Variants in UTRN observed in about 807,000 individuals in gnomAD.
UTRN encodes utrophin.
A neutral mutation model predicts 463.9 loss-of-function variants in UTRN; 283 were observed. The observed-to-expected ratio is 0.61, with a 90% CI of 0.55 to 0.67. The LOEUF is 0.67. UTRN is among the 30% of genes least tolerant of loss of function. The probability of loss-of-function intolerance (pLI) is 0.00; values close to 1 mark genes in which losing one functional copy is unlikely to be tolerated. For synonymous variants in UTRN, 1,442 were observed against 1,431.5 expected, an observed-to-expected ratio of 1.01 and a Z score of -0.17; for missense variants, 3,922 against 4,084.3, an observed-to-expected ratio of 0.96 and a Z score of 1.08.
chr6:144,292,178 A>G (rs1195929487), intron 2 of UTRN, among the ~76,000 whole-genome samples: 1 of 152,210 alleles, frequency 6.6e-6, no homozygotes, highest in African/African-American at 2.4e-5. Flanking sequence ...TACTCCATTA[A>G]AATAAAATAC....
At chr6:144,805,916 C>T (rs1778108472) in intron 65 of UTRN, among the ~76,000 whole-genome samples, 1 of 151,978 alleles carries the variant, frequency 6.6e-6, no homozygotes, top group Non-Finnish European at 1.5e-5. Flanking sequence ...AAAAGAAAGG[C>T]AACTATCAGA....
intron 53 of UTRN, among the ~76,000 whole-genome samples, chr6:144,704,877 G>T (rs757863305): frequency 2.6e-5 from 4 of 152,086 alleles, no homozygotes; most frequent in African/African-American, 7.2e-5. Flanking sequence ...CAGGAGAATT[G>T]CTGGAACCCA....
At chr6:144,799,282 T>C (rs1293159238) in intron 64 of UTRN, 1 of 344,940 alleles carries the variant, frequency 2.9e-6, no homozygotes, top group African/African-American at 2.2e-5. Context: ...AGTTCTCTTC[T>C]CTCATGCATT....
chr6:144,548,771 G>T lies in UTRN; in HGVS notation c.6727G>T (p.Val2243Leu). The T allele has an allele frequency of 6.2e-7, 1 of 1,614,026 alleles. No individual in the cohort carries two copies. Among genetic ancestry groups the T allele is most frequent in the Non-Finnish European group, 8.5e-7 (1 of 1,179,968 alleles). ...TATAACAGAACTAGCCGACTGGCTG[G>T]TATTAATCGACCAGATGCTGAAGTC... ...KTITELADWL[V>L]LIDQMLKSNI... The change falls in exon 47 of 75, where the codon GTA becomes TTA. Residue 2243 changes from valine to leucine, a missense_variant. Transcript: ENST00000367545.
chr6:144,421,186 T>C (rs571230517), intron 3 of UTRN, among the ~76,000 whole-genome samples: 150 of 152,276 alleles, frequency 9.9e-4, no homozygotes, highest in African/African-American at 3.4e-3. Context: ...TTTGTATTTT[T>C]ACTAGAGATG....
At chr6:144,464,029 A>C (rs977914187) in intron 23 of UTRN, among the ~76,000 whole-genome samples, 2 of 151,916 alleles carry the variant, frequency 1.3e-5, no homozygotes, top group Non-Finnish European at 2.9e-5. Context: ...ACATCTAAAT[A>C]TTATATCTAC....
intron 14 of UTRN, among the ~76,000 whole-genome samples, chr6:144,445,835 A>G (rs906369220): frequency 1.3e-5 from 2 of 152,018 alleles, no homozygotes; most frequent in Non-Finnish European, 1.5e-5. Context: ...ACTTGAGGTC[A>G]GACCAACATG....
Position 144,378,642 on chromosome 6 carries a change from T to C in UTRN, c.80-24481T>C, listed in dbSNP as rs1445211259. On this transcript the variant is annotated intron_variant, in intron 2 of 74. Transcript: ENST00000367545. ...TGTCAGAGTAACATGAAGGTCAGTG[T>C]GCTGGAGCAAACTGAGGAGGGTGAG... 2.0e-5 allele frequency among the ~76,000 whole-genome samples: 3 copies of C among 152,298 alleles called. No individual in the cohort carries two copies. In the East Asian group the frequency reaches 5.8e-4, roughly 29 times the overall value.
rs200877832 is a variant in UTRN at position 144,526,746 on chromosome 6, GTT to G, written c.5906+3572_5906+3573del. ...TGATATTTGTTGCCTCAATACCTTG[GTT>G]TTTTTTTTTTTTTCATTTTGTTATT... On this transcript the variant is annotated intron_variant, in intron 41 of 74. Coordinates refer to ENST00000367545, the MANE Select transcript of UTRN (RefSeq NM_007124.3). 5.0e-4 allele frequency among the ~76,000 whole-genome samples: 66 copies of G among 130,948 alleles called. No individual in the cohort carries two copies. The East Asian group carries it at 9.4e-3, about 19-fold the overall frequency. The allele number at this position is 130,948 out of a possible 152,430, so 85.9% of individuals were successfully genotyped here.
intron 50 of UTRN, 68 bp from the exon 51 acceptor site, chr6:144,577,031 G>T: frequency 6.7e-7 from 1 of 1,487,278 alleles, no homozygotes; most frequent in Non-Finnish European, 9.2e-7. Context: ...TTTATTTAGG[G>T]GATGCGTGAT....
Position 144,557,297 on chromosome 6 carries a change from C to T in UTRN, c.7275C>T (p.Ile2425=). The T allele has an allele frequency of 6.2e-7, 1 of 1,612,910 alleles. No homozygotes were observed. Among genetic ancestry groups the T allele is most frequent in the Middle Eastern group, 1.7e-4 (1 of 6,048 alleles). Residue 2425 remains isoleucine, a synonymous_variant, in exon 50 of 75, where the codon ATC becomes ATT. Transcript: ENST00000367545. ...CAGAGTACTTAAAAACATCATGGAT[C>T]AATCTCAAACAAAGGTAAGTCTAAG... The part of the protein sequence containing the change: ...ETTEYLKTSW[I]NLKQSIADRQ...
At chr6:144,411,633 A>G (rs1000742929) in intron 3 of UTRN, among the ~76,000 whole-genome samples, 3 of 152,140 alleles carry the variant, frequency 2.0e-5, no homozygotes, top group Non-Finnish European at 4.4e-5. Context: ...TTGGTTTGGC[A>G]TGTGTTTTAC....
intron 9 of UTRN, among the ~76,000 whole-genome samples, chr6:144,434,536 G>T (rs1409211038): frequency 6.6e-6 from 1 of 152,148 alleles, no homozygotes; most frequent in Non-Finnish European, 1.5e-5. Context: ...AGAAAGTAAA[G>T]GTTTTGAATA....
chr6:144,590,133 A>G (rs1802877109), intron 51 of UTRN, among the ~76,000 whole-genome samples: 1 of 152,148 alleles, frequency 6.6e-6, no homozygotes, highest in African/African-American at 2.4e-5. Context: ...AGTTCCTGAC[A>G]GTTTTGAGCA....
At chr6:144,763,051 C>T (rs1348927013) in intron 58 of UTRN, among the ~76,000 whole-genome samples, 1 of 152,144 alleles carries the variant, frequency 6.6e-6, no homozygotes, top group African/African-American at 2.4e-5. Flanking sequence ...CCACTGGAGT[C>T]TGCAGTGCAG....
chr6:144,414,712 A>T (rs1784219231), intron 3 of UTRN, among the ~76,000 whole-genome samples: 1 of 92,116 alleles, frequency 1.1e-5, no homozygotes, highest in South Asian at 3.4e-4. Flanking sequence ...GGTGTACTAT[A>T]TCTTTTTTTT....
chr6:144,591,276 C>T (rs1165051701), intron 51 of UTRN, among the ~76,000 whole-genome samples: 1 of 152,160 alleles, frequency 6.6e-6, no homozygotes, highest in Non-Finnish European at 1.5e-5. Flanking sequence ...ATGCCATAAA[C>T]TCCTGCTTTC....
intron 66 of UTRN, among the ~76,000 whole-genome samples, chr6:144,825,009 C>T (rs942562655): frequency 6.6e-6 from 1 of 151,956 alleles, no homozygotes; most frequent in Non-Finnish European, 1.5e-5. Context: ...GCCTCAGACA[C>T]CTGGGCTCAA....
intron 23 of UTRN, among the ~76,000 whole-genome samples, chr6:144,467,484 T>C (rs1390448418): frequency 6.6e-6 from 1 of 152,138 alleles, no homozygotes; most frequent in Non-Finnish European, 1.5e-5. Flanking sequence ...GCCTCTCTAG[T>C]GAGAGTGGAT....
Sources: allele counts gnomAD v4.1 joint callset (sites outside exome capture counted in the v4.1 genomes callset), GRCh38; gene constraint gnomAD v4.1.1; transcripts MANE v1.5; gene names NCBI Gene and HGNC (gene_info 2026-07-23, HGNC 2026-07-21).